Variants in CFAP210 observed in about 807,000 individuals in gnomAD.
The protein encoded by CFAP210 is cilia and flagella associated protein 210.
the CFAP210 span, among the ~76,000 whole-genome samples, chr2:169,687,209 C>T: frequency 1.3e-5 from 2 of 152,260 alleles, no homozygotes; most frequent in African/African-American, 4.8e-5. Flanking sequence ...ACAGCCAAAC[C>T]ATATCATTCT....
the CFAP210 span, among the ~76,000 whole-genome samples, chr2:169,666,536 CCTT>C: frequency 6.6e-6 from 1 of 151,550 alleles, no homozygotes; most frequent in Non-Finnish European, 1.5e-5. Context: ...TTGCTTGTCT[CCTT>C]CACTAGAATT....
At chr2:169,660,605 T>TATA in the CFAP210 span, among the ~76,000 whole-genome samples, 70 of 60,052 alleles carry the variant, frequency 1.2e-3, no homozygotes, top group South Asian at 2.1e-3. Context: ...TATATATATA[T>TATA]TTTTTTTTTT....
chr2:169,649,040 T>C, the CFAP210 span: 3 of 642,428 alleles, frequency 4.7e-6, no homozygotes, highest in Admixed American at 1.0e-4. Context: ...AAACCTCACA[T>C]TTTTAATACA....
chr2:169,658,046 C>T, the CFAP210 span: 1 of 151,960 alleles, frequency 6.6e-6, no homozygotes, highest in African/African-American at 2.4e-5. Flanking sequence ...GGAAGCTATT[C>T]AAAGGTGTAT....
the CFAP210 span, chr2:169,646,246 C>T: frequency 8.4e-7 from 1 of 1,187,314 alleles, no homozygotes; most frequent in Non-Finnish European, 1.2e-6. Flanking sequence ...TCTAAATATA[C>T]ATAGCATTTG....
chr2:169,658,780 AC>A, the CFAP210 span: 1 of 301,768 alleles, frequency 3.3e-6, no homozygotes, highest in South Asian at 3.3e-5. Context: ...TTTATTGTGT[AC>A]CGGAGAGCAT....
At chr2:169,652,748 C>G in the CFAP210 span, among the ~76,000 whole-genome samples, 1,151 of 151,728 alleles carry the variant, frequency 7.6e-3, 27 homozygotes, top group East Asian at 0.082. Context: ...GTAATCCCAG[C>G]ACTTTGGGAG....
the CFAP210 span, among the ~76,000 whole-genome samples, chr2:169,677,460 G>A: frequency 3.3e-5 from 5 of 152,102 alleles, no homozygotes; most frequent in South Asian, 2.1e-4. Flanking sequence ...TAAGAACCTC[G>A]TGATAATCTC....
the CFAP210 span, among the ~76,000 whole-genome samples, chr2:169,660,737 G>A: frequency 1.3e-5 from 2 of 151,864 alleles, no homozygotes; most frequent in Non-Finnish European, 2.9e-5. Flanking sequence ...GAGTAGCTGG[G>A]ACCACAGGCG....
chr2:169,690,775 A>T, the CFAP210 span, among the ~76,000 whole-genome samples: 1 of 151,436 alleles, frequency 6.6e-6, no homozygotes, highest in Middle Eastern at 3.5e-3. Flanking sequence ...TGTTAATCTT[A>T]TTGAGGATTA....
the CFAP210 span, among the ~76,000 whole-genome samples, chr2:169,685,287 T>C: frequency 6.6e-6 from 1 of 152,242 alleles, no homozygotes; most frequent in Non-Finnish European, 1.5e-5. Context: ...TGTCCCTTTA[T>C]TTTTTCACTC....
the CFAP210 span, among the ~76,000 whole-genome samples, chr2:169,690,110 G>T: frequency 6.6e-6 from 1 of 152,152 alleles, no homozygotes; most frequent in South Asian, 2.1e-4. Context: ...CTGGCCTCAA[G>T]TGGTCCTCCC....
At chr2:169,661,544 CCT>C in the CFAP210 span, among the ~76,000 whole-genome samples, 51 of 152,130 alleles carry the variant, frequency 3.4e-4, no homozygotes, top group Non-Finnish European at 2.9e-4. Flanking sequence ...CAAACATGCC[CCT>C]GTGGTGAACT....
the CFAP210 span, chr2:169,662,378 C>G: frequency 5.6e-6 from 9 of 1,605,070 alleles, no homozygotes; most frequent in African/African-American, 2.7e-5. Flanking sequence ...TTTATTTCCT[C>G]AGCATCTTTT....
the CFAP210 span, chr2:169,654,079 G>T: frequency 6.2e-7 from 1 of 1,608,846 alleles, no homozygotes; most frequent in Non-Finnish European, 8.5e-7. Flanking sequence ...GCCTACCTGT[G>T]TGTTTCAGCC....
chr2:169,689,340 G>T, the CFAP210 span, among the ~76,000 whole-genome samples: 6 of 152,060 alleles, frequency 3.9e-5, no homozygotes. Context: ...TTATTCCTAA[G>T]TATTTTTCTT....
chr2:169,675,755 GTTTCT>G, the CFAP210 span, among the ~76,000 whole-genome samples: 1 of 152,196 alleles, frequency 6.6e-6, no homozygotes, highest in South Asian at 2.1e-4. Context: ...ACCACTATTA[GTTTCT>G]TTTGTCTACT....
chr2:169,669,306 G>A, the CFAP210 span, among the ~76,000 whole-genome samples: 1 of 152,162 alleles, frequency 6.6e-6, no homozygotes, highest in Admixed American at 6.5e-5. Context: ...TAAGAGAGGA[G>A]GTTGCGAAGT....
the CFAP210 span, among the ~76,000 whole-genome samples, chr2:169,678,341 C>CAAAAAAAAAAAAAAAAAAAAAA: frequency 1.1e-5 from 1 of 88,232 alleles, no homozygotes; most frequent in African/African-American, 4.1e-5. Context: ...AACTCTGTTG[C>CAAAAAAAAAAAAAAAAAAAAAA]AAAAAAAAAA....
Sources: allele counts gnomAD v4.1 joint callset (sites outside exome capture counted in the v4.1 genomes callset), GRCh38; gene constraint gnomAD v4.1.1; transcripts MANE v1.5; gene names NCBI Gene and HGNC (gene_info 2026-07-23, HGNC 2026-07-21).